MBD2: variants seen among roughly 807,000 people sequenced by gnomAD.
MBD2 encodes the protein methyl-CpG binding domain protein 2, also known as methyl-CpG-binding domain protein 2.
MBD2 carries 9 observed loss-of-function variants against 39.3 expected under a neutral mutation model. That is an observed-to-expected ratio of 0.23 (90% CI 0.14 to 0.40). The LOEUF is 0.40. Among genes scored for constraint, MBD2 ranks in the 10% least tolerant of loss-of-function variants. The probability of loss-of-function intolerance (pLI) is 1.00; values close to 1 mark genes in which losing one functional copy is unlikely to be tolerated. For missense variants in MBD2, 458 were observed against 532.6 expected (o/e 0.86, Z 1.38); for synonymous variants, 233 against 211.1 (o/e 1.10, Z -0.90).
chr18:54,170,812 G>A (rs1277546020), intron 3 of MBD2, among the ~76,000 whole-genome samples: 1 of 152,100 alleles, frequency 6.6e-6, no homozygotes, highest in Non-Finnish European at 1.5e-5. Context: ...GGAAGAGGTA[G>A]CCCTTGAAAA....
intron 2 of MBD2, 92 bp downstream of exon 2, chr18:54,204,906 C>T: frequency 7.7e-7 from 1 of 1,306,170 alleles, no homozygotes; most frequent in East Asian, 2.3e-5. Flanking sequence ...GACATTTGGA[C>T]AACCAAAATT....
intron 3 of MBD2, among the ~76,000 whole-genome samples, chr18:54,170,262 A>C (rs2086170869): frequency 6.6e-6 from 1 of 152,252 alleles, no homozygotes; most frequent in Non-Finnish European, 1.5e-5. Flanking sequence ...TTCTTTAGTG[A>C]GGTCAATGAT....
At chr18:54,170,515 G>A (rs1163196849) in intron 3 of MBD2, among the ~76,000 whole-genome samples, 1 of 152,122 alleles carries the variant, frequency 6.6e-6, no homozygotes, top group East Asian at 1.9e-4. Flanking sequence ...TCATCACTCC[G>A]AGTTTATTAA....
In MBD2 at chr18:54,177,047, A is replaced by G. The variant is rs185554036; in HGVS notation, c.841-10881T>C. Among the ~76,000 whole-genome samples, 13 of 152,344 alleles carry G rather than the reference A, an allele frequency of 8.5e-5. No homozygotes were observed. In the East Asian group the frequency reaches 2.5e-3, roughly 29 times the overall value. ...GTATACAATACTTGTCAAGTGCCTG[A>G]AAAGGTACAATTATCCTAAGATGAC... On this transcript the variant is annotated intron_variant, in intron 3 of 6. Transcript: ENST00000256429.
rs1231593947 is a variant in MBD2 at position 54,205,008 on chromosome 18, T to C, written c.692A>G (p.Asn231Ser). 2 of 1,613,246 alleles carry C rather than the reference T, an allele frequency of 1.2e-6. No homozygotes were observed. Among genetic ancestry groups the C allele is most frequent in the South Asian group, 1.1e-5 (1 of 90,802 alleles). ...NKQRLRNDPL[N>S]QNKGKPDLNT... ...AGTAAATTAACCAACCTTATTTTGA[T>C]TGAGAGGATCGTTTCGCAGTCTCTG... is the stretch of plus-strand genomic sequence containing the variant. The change falls in exon 2 of 7, where the codon AAT becomes AGT. Residue 231 changes from asparagine (N) to serine (S), a missense_variant. This residue lies in a region of MBD2 where 189 missense variants were observed against 296.6 expected (regional missense o/e 0.64). Transcript: ENST00000256429.
In MBD2 at chr18:54,206,295, A is replaced by T. The variant is rs188044719; in HGVS notation, c.543-1138T>A. On this transcript the variant is annotated intron_variant, in intron 1 of 6. Coordinates refer to ENST00000256429, the MANE Select transcript of MBD2 (RefSeq NM_003927.5). ...CTAAAAAATTTTTTTCCTGTGTGGCATTAATCTGTAAGAAAGTTTTTATAG... is the reference window on the plus strand; with the variant it reads ...CTAAAAAATTTTTTTCCTGTGTGGCTTTAATCTGTAAGAAAGTTTTTATAG... Among the ~76,000 whole-genome samples the T allele has an allele frequency of 2.6e-5, 4 of 152,358 alleles. No individual in the cohort carries two copies. In the East Asian group the frequency reaches 7.7e-4, roughly 29 times the overall value.
chr18:54,197,406 C>A (rs573061746), intron 2 of MBD2, among the ~76,000 whole-genome samples: 1 of 152,228 alleles, frequency 6.6e-6, no homozygotes, highest in African/African-American at 2.4e-5. Flanking sequence ...GCCAACCTGG[C>A]CTTTTTGTCT....
chr18:54,158,816 C>A (rs1343979828), intron 6 of MBD2, among the ~76,000 whole-genome samples: 2 of 152,092 alleles, frequency 1.3e-5, no homozygotes, highest in Non-Finnish European at 1.5e-5. Flanking sequence ...TTAGTAGAGA[C>A]AAGGTTTCAC....
At chr18:54,212,404 C>G (rs1417350194) in intron 1 of MBD2, among the ~76,000 whole-genome samples, 1 of 152,158 alleles carries the variant, frequency 6.6e-6, no homozygotes, top group Non-Finnish European at 1.5e-5. Flanking sequence ...AGCTTTGAAA[C>G]ACTGAGTTCT....
chr18:54,205,062 A>T lies in MBD2; in HGVS notation c.638T>A (p.Met213Lys). 3 of 1,614,040 alleles carry T rather than the reference A, an allele frequency of 1.9e-6. No individual in the cohort carries two copies. Among genetic ancestry groups the T allele is most frequent in the Non-Finnish European group, 1.7e-6 (2 of 1,179,932 alleles). The change falls in exon 2 of 7, where the codon ATG (methionine) becomes AAG (lysine). Residue 213 changes from methionine to lysine, a missense_variant. By Grantham distance (95) the Met-to-Lys change is moderately conservative. Around this residue, in one of 2 missense-constraint regions of MBD2, gnomAD observed 189 missense variants for 296.6 expected, o/e 0.64. Transcript: ENST00000256429. ...GTTCTTCTGTAATTTACTAGGCATCATCTTTCCAGTTCTGAAGTCAAAACT... is the reference window on the plus strand; with the variant it reads ...GTTCTTCTGTAATTTACTAGGCATCTTCTTTCCAGTTCTGAAGTCAAAACT... ...LSSFDFRTGKMMPSKLQKNKQ... is the reference protein window; with the variant it reads ...LSSFDFRTGKKMPSKLQKNKQ...
chr18:54,191,741 C>T (rs2086321237), intron 2 of MBD2, among the ~76,000 whole-genome samples: 1 of 152,166 alleles, frequency 6.6e-6, no homozygotes, highest in Non-Finnish European at 1.5e-5. Context: ...AATGTGTCCT[C>T]ACCTCTACAC....
chr18:54,203,120 A>G lies in MBD2; in HGVS notation c.702+1878T>C, dbSNP rs2086421818. On this transcript the variant is annotated intron_variant, in intron 2 of 6. Transcript: ENST00000256429. The stretch of plus-strand genomic sequence containing the variant: ...CAGCGCAGCTAGAGCAGAAAAGTGC[A>G]CACAAACTGAAGAGATGAATTAGTG... 4 of 1,612,382 alleles carry G rather than the reference A, an allele frequency of 2.5e-6. No homozygotes were observed. In the East Asian group the frequency reaches 6.7e-5, roughly 27 times the overall value.
intron 1 of MBD2, among the ~76,000 whole-genome samples, chr18:54,216,919 C>T (rs1013049461): frequency 1.3e-5 from 2 of 152,036 alleles, no homozygotes; most frequent in African/African-American, 4.8e-5. Flanking sequence ...GGTGAAATCT[C>T]GTCTACTAAA....
chr18:54,213,412 C>T (rs970906761), intron 1 of MBD2, among the ~76,000 whole-genome samples: 3 of 152,180 alleles, frequency 2.0e-5, no homozygotes, highest in East Asian at 1.9e-4. Flanking sequence ...CAAAACCATT[C>T]GGGATCCATG....
In MBD2 at chr18:54,153,671, T is replaced by C. The variant is rs950410129; in HGVS notation, c.*1653A>G. On this transcript the variant is annotated 3_prime_UTR_variant, in exon 7 of 7. Transcript: ENST00000256429. ...GGACATCCATTCTCACTAGTCATAC[T>C]AGCTTTTAAAAAGAAATCACTATGA... 1.3e-5 allele frequency: 2 copies of C among 152,158 alleles called. No homozygotes were observed. Among genetic ancestry groups the C allele is most frequent in the Non-Finnish European group, 2.9e-5 (2 of 68,036 alleles). The allele number at this position is 152,158 out of a possible 1,614,324, so 9.4% of individuals were successfully genotyped here. A position where few individuals can be genotyped will look rare whatever the true frequency, so the allele number is the denominator to read the frequency against.
intron 3 of MBD2, among the ~76,000 whole-genome samples, chr18:54,168,115 T>C (rs928956767): frequency 7.3e-5 from 11 of 151,468 alleles, no homozygotes; most frequent in Non-Finnish European, 1.6e-4. Context: ...ATTAATCTCA[T>C]AGTCACTGAT....
intron 3 of MBD2, among the ~76,000 whole-genome samples, chr18:54,168,550 T>C (rs1599078352): frequency 1.4e-5 from 2 of 146,288 alleles, no homozygotes; most frequent in Non-Finnish European, 1.5e-5. Flanking sequence ...AATAAAATTG[T>C]TATGCCATGA....
At chr18:54,211,413 ACG>A (rs1491463161) in intron 1 of MBD2, among the ~76,000 whole-genome samples, 2 of 149,710 alleles carry the variant, frequency 1.3e-5, no homozygotes, top group East Asian at 2.0e-4. Flanking sequence ...ACACACACAC[ACG>A]CACACACGCA....
chr18:54,193,534 ATCTT>A (rs2086339642), intron 2 of MBD2, among the ~76,000 whole-genome samples: 2 of 152,196 alleles, frequency 1.3e-5, no homozygotes, highest in African/African-American at 2.4e-5. Flanking sequence ...ATAAAAATAA[ATCTT>A]TCTTATTTTT....
Sources: allele counts gnomAD v4.1 joint callset (sites outside exome capture counted in the v4.1 genomes callset), GRCh38; gene constraint gnomAD v4.1.1; regional missense constraint gnomAD v4.1.1; transcripts MANE v1.5; gene names NCBI Gene and HGNC (gene_info 2026-07-23, HGNC 2026-07-21).